The following ANKIB1 variants were observed in gnomAD, a reference collection of about 807,000 sequenced individuals.
ANKIB1 encodes the protein ankyrin repeat and IBR domain-containing protein 1.
ANKIB1 carries 43 observed loss-of-function variants against 122.1 expected under a neutral mutation model. The observed-to-expected ratio is 0.35, with a 90% CI of 0.28 to 0.45. The LOEUF is 0.45. Among genes scored for constraint, ANKIB1 ranks in the 20% least tolerant of loss-of-function variants. The probability of loss-of-function intolerance (pLI) is 1.00; values close to 1 mark genes in which losing one functional copy is unlikely to be tolerated. For missense variants in ANKIB1, 992 were observed against 1,329.5 expected (o/e 0.75, Z 3.95); for synonymous variants, 390 against 442.0 (o/e 0.88, Z 1.48).
rs972971621 is a variant in ANKIB1, at chr7:92,357,756, GA to G, written c.1398-4420del. Among the ~76,000 whole-genome samples the G allele has an allele frequency of 1.5e-4, 21 of 143,268 alleles. No individual in the cohort carries two copies. The East Asian group carries it at 1.6e-3, about 11-fold the overall frequency. The allele number at this position is 143,268 out of a possible 152,430, so 94.0% of individuals were successfully genotyped here. A position where few individuals can be genotyped will look rare whatever the true frequency, so the allele number is the denominator to read the frequency against. On this transcript the variant is annotated intron_variant, in intron 9 of 19. Coordinates refer to ENST00000265742, the MANE Select transcript of ANKIB1 (RefSeq NM_019004.2). ...TCAAAAAAAAAAAAAAAAAGAAAAA[GA>G]AAAAAAAACTTTCTTTAGTAAGTTG... is the stretch of plus-strand genomic sequence containing the variant.
intron 1 of ANKIB1, among the ~76,000 whole-genome samples, chr7:92,263,161 C>T (rs1478504023): frequency 6.6e-6 from 1 of 152,088 alleles, no homozygotes; most frequent in Non-Finnish European, 1.5e-5. Flanking sequence ...GGTACATAAA[C>T]CACAGGATTA....
chr7:92,363,417 GAAA>G (rs371496413), intron 10 of ANKIB1, among the ~76,000 whole-genome samples: 3 of 147,966 alleles, frequency 2.0e-5, no homozygotes, highest in Non-Finnish European at 4.5e-5. Context: ...CTCAAAAAAA[GAAA>G]AAAAAAATCC....
At chr7:92,324,823 T>G (rs1802990014) in intron 4 of ANKIB1, among the ~76,000 whole-genome samples, 1 of 152,202 alleles carries the variant, frequency 6.6e-6, no homozygotes, top group Admixed American at 6.5e-5. Flanking sequence ...ATGGGTAAAA[T>G]CCACCTCTTA....
At chr7:92,272,806 C>T (rs1189870069) in intron 1 of ANKIB1, among the ~76,000 whole-genome samples, 1 of 151,998 alleles carries the variant, frequency 6.6e-6, no homozygotes, top group African/African-American at 2.4e-5. Flanking sequence ...GTCATGTGAA[C>T]ATCATAGAGT....
intron 9 of ANKIB1, 126 bp from the exon 10 acceptor site, chr7:92,362,059 C>T (rs1803961226): frequency 1.8e-5 from 13 of 741,086 alleles, no homozygotes; most frequent in Non-Finnish European, 2.9e-5. Flanking sequence ...GATCCACCCG[C>T]CTTGGCCTCC....
intron 9 of ANKIB1, among the ~76,000 whole-genome samples, chr7:92,359,802 C>T (rs1017695716): frequency 2.0e-4 from 30 of 152,170 alleles, no homozygotes; most frequent in Admixed American, 1.9e-3. Flanking sequence ...GGCTAGAGTG[C>T]CGTGGCTATT....
At position 92,391,197 on chromosome 7, in the gene ANKIB1, C is replaced by A. The variant is rs1585141027; in HGVS notation, c.2084C>A (p.Ala695Asp). The A allele has an allele frequency of 6.2e-7, 1 of 1,612,306 alleles. No individual in the cohort carries two copies. Among genetic ancestry groups the A allele is most frequent in the East Asian group, 2.2e-5 (1 of 44,824 alleles). Residue 695 changes from alanine to aspartate, a missense_variant, in exon 16 of 20, where the codon GCC becomes GAC. Transcript: ENST00000265742. ...CTAGAAATGGTCACTGAAGACCTTG[C>A]CCAGAAAGTCAATAGGCCTTACCTT... ...TDLEMVTEDLAQKVNRPYLRT... is the reference protein window; with the variant it reads ...TDLEMVTEDLDQKVNRPYLRT...
intron 1 of ANKIB1, among the ~76,000 whole-genome samples, chr7:92,280,461 C>G (rs200238038): frequency 2.2e-5 from 3 of 134,700 alleles, no homozygotes; most frequent in Non-Finnish European, 4.8e-5. Flanking sequence ...CCCCCCCCCC[C>G]TTTTTTTCCT....
intron 1 of ANKIB1, among the ~76,000 whole-genome samples, chr7:92,264,977 T>C (rs1801640726): frequency 6.6e-6 from 1 of 152,224 alleles, no homozygotes; most frequent in South Asian, 2.1e-4. Flanking sequence ...GAGAACATGA[T>C]ATTTTTTATT....
chr7:92,396,355 GT>G lies in ANKIB1; in HGVS notation c.2284-7del. Reference sequence around the variant, plus strand: ...GCTCTCTTGTATTTTATAACCTTTGGTTTATGCAGGAATATGCTGAATTTCA... The same window carrying G: ...GCTCTCTTGTATTTTATAACCTTTGGTTATGCAGGAATATGCTGAATTTCA... On this transcript the variant is annotated splice_polypyrimidine_tract_variant and intron_variant, in intron 17 of 19. Coordinates refer to ENST00000265742, the MANE Select transcript of ANKIB1 (RefSeq NM_019004.2). 1 of 1,465,882 alleles carries G rather than the reference GT, an allele frequency of 6.8e-7. No homozygotes were observed. The highest frequency in any genetic ancestry group is 9.4e-7 in the Non-Finnish European group (1 of 1,060,658). The allele number at this position is 1,465,882 out of a possible 1,614,324, so 90.8% of individuals were successfully genotyped here.
At chr7:92,267,201 GT>G (rs1227964571) in intron 1 of ANKIB1, among the ~76,000 whole-genome samples, 24 of 152,122 alleles carry the variant, frequency 1.6e-4, no homozygotes, top group Non-Finnish European at 3.2e-4. Flanking sequence ...TGGAGTTTTT[GT>G]TTCATTTATA....
chr7:92,271,621 C>T (rs1054156379), intron 1 of ANKIB1, among the ~76,000 whole-genome samples: 35 of 152,144 alleles, frequency 2.3e-4, no homozygotes, highest in African/African-American at 7.7e-4. Context: ...AGATGAGACG[C>T]TAAGTCCAAG....
chr7:92,343,277 TC>T, intron 6 of ANKIB1, 45 bp downstream of exon 6: 1 of 1,495,252 alleles, frequency 6.7e-7, no homozygotes, highest in Non-Finnish European at 9.2e-7. Context: ...TTGTTTATAG[TC>T]TTTTAACATT....
rs748896469 is a variant in ANKIB1 at position 92,396,443 on chromosome 7, C to G, written c.2362C>G (p.Pro788Ala). The change falls in exon 18 of 20, where the codon CCA (proline) becomes GCA (alanine). Residue 788 changes from proline to alanine, a missense_variant. By Grantham distance (27) the Pro-to-Ala change is conservative (BLOSUM62 -1). Around this residue, in one of 4 missense-constraint regions of ANKIB1, gnomAD observed 384 missense variants for 412.0 expected, o/e 0.93. Coordinates refer to ENST00000265742, the MANE Select transcript of ANKIB1 (RefSeq NM_019004.2). ...GDVHSLLSNP[P>A]DPDEPSESTL... ...TGTTCACAGTCTACTCAGTAATCCT[C>G]CAGACCCTGATGAGCCAAGTGAAAG... is the stretch of plus-strand genomic sequence containing the variant. 2.1e-5 allele frequency: 33 copies of G among 1,593,176 alleles called. No homozygotes were observed. Among genetic ancestry groups the G allele is most frequent in the Admixed American group, 5.2e-5 (3 of 57,498 alleles).
chr7:92,249,719 CA>C (rs879516712), intron 1 of ANKIB1, among the ~76,000 whole-genome samples: 193 of 135,640 alleles, frequency 1.4e-3, no homozygotes, highest in Admixed American at 1.3e-3. Context: ...GACTCTGTCT[CA>C]AAAAAAAAAA....
At position 92,319,253 on chromosome 7, in the gene ANKIB1, T is replaced by G. The variant is rs563917754; in HGVS notation, c.487-77T>G. On this transcript the variant is annotated intron_variant, in intron 3 of 19. Transcript: ENST00000265742. ...TTTTGTTGTGTTAATTTTATTATAT[T>G]TTTAATGTTTTAAAAATAGCATGAA... The G allele has an allele frequency of 3.5e-5, 31 of 891,230 alleles. No homozygotes were observed. In the South Asian group the frequency reaches 6.0e-4, roughly 17 times the overall value. 55.2% of individuals were successfully genotyped at this position (891,230 alleles called of 1,614,324 possible). A position where few individuals can be genotyped will look rare whatever the true frequency, so the allele number is the denominator to read the frequency against.
chr7:92,388,926 A>C (rs1025273453), intron 14 of ANKIB1, among the ~76,000 whole-genome samples: 1 of 152,224 alleles, frequency 6.6e-6, no homozygotes, highest in African/African-American at 2.4e-5. Context: ...GGCAATATCA[A>C]ACTCTTGAAG....
intron 3 of ANKIB1, among the ~76,000 whole-genome samples, chr7:92,309,808 C>T (rs1802646980): frequency 1.3e-5 from 2 of 150,366 alleles, no homozygotes; most frequent in African/African-American, 4.9e-5. Flanking sequence ...ACCTGTAGTC[C>T]CAGCTGCTTG....
At chr7:92,251,730 C>T (rs1240229080) in intron 1 of ANKIB1, among the ~76,000 whole-genome samples, 2 of 152,124 alleles carry the variant, frequency 1.3e-5, no homozygotes, top group Non-Finnish European at 2.9e-5. Context: ...AACACTACAG[C>T]GTCTGTTTTT....
Sources: allele counts gnomAD v4.1 joint callset (sites outside exome capture counted in the v4.1 genomes callset), GRCh38; gene constraint gnomAD v4.1.1; regional missense constraint gnomAD v4.1.1; transcripts MANE v1.5; gene names NCBI Gene and HGNC (gene_info 2026-07-23, HGNC 2026-07-21).